The following LOC400499 variants were observed in gnomAD, a reference collection of about 807,000 sequenced individuals.
the LOC400499 span, chr16:11,491,889 C>G: frequency 1.2e-3 from 465 of 398,532 alleles, 3 homozygotes; most frequent in East Asian, 0.016. Flanking sequence ...GCCTACCTAC[C>G]TCCACCCAGG....
chr16:11,512,113 T>C, the LOC400499 span, among the ~76,000 whole-genome samples: 1 of 150,344 alleles, frequency 6.7e-6, no homozygotes, highest in African/African-American at 2.5e-5. Context: ...TAAAACCCCA[T>C]CACTACTAAA....
the LOC400499 span, among the ~76,000 whole-genome samples, chr16:11,489,249 G>C: frequency 6.6e-6 from 1 of 152,320 alleles, no homozygotes; most frequent in South Asian, 2.1e-4. Context: ...AGTCAGACCT[G>C]ATTTCAAATC....
the LOC400499 span, chr16:11,417,548 G>A: frequency 1.3e-5 from 5 of 398,122 alleles, no homozygotes; most frequent in African/African-American, 1.0e-4. Flanking sequence ...AGTGCCACCT[G>A]GGTCCAGGCC....
chr16:11,461,090 G>A, the LOC400499 span: 87 of 1,535,682 alleles, frequency 5.7e-5, no homozygotes, highest in Admixed American at 1.8e-4. Flanking sequence ...GCCACCCTCC[G>A]TCCATTCTCC....
chr16:11,396,110 C>G, the LOC400499 span, among the ~76,000 whole-genome samples: 104 of 152,342 alleles, frequency 6.8e-4, 1 homozygote, highest in Non-Finnish European at 1.2e-3. Flanking sequence ...TCTATGCCTA[C>G]GACTATATTT....
At chr16:11,417,436 G>A in the LOC400499 span, among the ~76,000 whole-genome samples, 2 of 151,902 alleles carry the variant, frequency 1.3e-5, no homozygotes, top group Non-Finnish European at 2.9e-5. Flanking sequence ...CTTTGTTGTG[G>A]AAGTCCTAGA....
the LOC400499 span, among the ~76,000 whole-genome samples, chr16:11,426,134 C>T: frequency 6.6e-6 from 1 of 152,202 alleles, no homozygotes; most frequent in East Asian, 1.9e-4. Context: ...ATTCAACACC[C>T]ATTCTTAAGA....
chr16:11,443,646 G>C, the LOC400499 span, among the ~76,000 whole-genome samples: 1 of 152,052 alleles, frequency 6.6e-6, no homozygotes, highest in South Asian at 2.1e-4. Flanking sequence ...ATTTTACAAC[G>C]CTACATTGTA....
chr16:11,484,812 A>AAAGTTCAG, the LOC400499 span: 1 of 398,590 alleles, frequency 2.5e-6, no homozygotes, highest in Admixed American at 4.4e-5. Context: ...CTCAGGTTCA[A>AAAGTTCAG]AAGTCCACGC....
the LOC400499 span, chr16:11,519,025 C>T: frequency 5.2e-4 from 209 of 398,894 alleles, 1 homozygote; most frequent in Admixed American, 9.2e-4. Flanking sequence ...CCCGGGAACT[C>T]GCCAGCACCC....
the LOC400499 span, among the ~76,000 whole-genome samples, chr16:11,489,348 G>T: frequency 1.3e-5 from 2 of 152,202 alleles, no homozygotes; most frequent in Non-Finnish European, 2.9e-5. Context: ...AACTAACAAA[G>T]TATCTTGCAG....
chr16:11,452,646 T>A, the LOC400499 span, among the ~76,000 whole-genome samples: 1 of 152,208 alleles, frequency 6.6e-6, no homozygotes, highest in Non-Finnish European at 1.5e-5. Flanking sequence ...TCCATTTGTA[T>A]CCCAAAATCC....
chr16:11,485,489 G>C, the LOC400499 span, among the ~76,000 whole-genome samples: 2 of 152,034 alleles, frequency 1.3e-5, no homozygotes, highest in East Asian at 1.9e-4. Flanking sequence ...CCCCTGGATG[G>C]GGGGGAGGGT....
the LOC400499 span, chr16:11,508,743 C>A: frequency 1.0e-4 from 41 of 399,120 alleles, no homozygotes; most frequent in African/African-American, 7.8e-4. Flanking sequence ...GAGCCAGGCA[C>A]AGCCTCCTTA....
At chr16:11,447,666 G>C in the LOC400499 span, among the ~76,000 whole-genome samples, 2 of 152,024 alleles carry the variant, frequency 1.3e-5, no homozygotes, top group African/African-American at 2.4e-5. Flanking sequence ...TCGTCTCTGG[G>C]AAATGAGAAG....
the LOC400499 span, among the ~76,000 whole-genome samples, chr16:11,477,260 G>A: frequency 5.9e-5 from 9 of 152,254 alleles, no homozygotes; most frequent in African/African-American, 1.9e-4. Flanking sequence ...ACGCCAGAGA[G>A]CACCCAGCCT....
chr16:11,488,306 T>C, the LOC400499 span, among the ~76,000 whole-genome samples: 10 of 152,190 alleles, frequency 6.6e-5, no homozygotes, highest in African/African-American at 2.4e-4. Context: ...TTCAGCTGAA[T>C]GCCATAAAAT....
the LOC400499 span, chr16:11,442,535 T>C: frequency 3.9e-5 from 6 of 152,118 alleles, no homozygotes; most frequent in African/African-American, 1.4e-4. Flanking sequence ...GACACGGTTT[T>C]AAAAAGAGCA....
At chr16:11,384,243 G>T in the LOC400499 span, 1 of 1,232,300 alleles carries the variant, frequency 8.1e-7, no homozygotes, top group Non-Finnish European at 1.0e-6. Flanking sequence ...GCTCCTCCAG[G>T]CTGCGGGCCA....
Sources: allele counts gnomAD v4.1 joint callset (sites outside exome capture counted in the v4.1 genomes callset), GRCh38; gene constraint gnomAD v4.1.1; transcripts MANE v1.5.